STMN4: variants seen among roughly 807,000 people sequenced by gnomAD.
STMN4 encodes the protein stathmin 4.
Under a neutral mutation model 29.1 loss-of-function variants are expected in STMN4, and 12 were observed. That is an observed-to-expected ratio of 0.41 (90% confidence interval 0.26 to 0.67). The LOEUF (loss-of-function observed/expected upper bound fraction) is 0.67, where lower values mean the gene tolerates loss of function less well. Among genes scored for constraint, STMN4 ranks in the 30% least tolerant of loss-of-function variants. The probability of loss-of-function intolerance (pLI) is 0.30; values close to 1 mark genes in which losing one functional copy is unlikely to be tolerated. For synonymous variants in STMN4, 114 were observed against 105.3 expected, an observed-to-expected ratio of 1.08 and a Z score of -0.51; for missense variants, 181 against 262.8, an observed-to-expected ratio of 0.69 and a Z score of 2.15.
chr8:27,251,576 C>A (rs1161771920), intron 1 of STMN4, among the ~76,000 whole-genome samples: 1 of 151,796 alleles, frequency 6.6e-6, no homozygotes, highest in African/African-American at 2.4e-5. Context: ...ATATGTGCAT[C>A]TTATAAATAA....
In STMN4 at chr8:27,240,932, G is replaced by C. The variant is rs972804280; in HGVS notation, c.399+122C>G. On this transcript the variant is annotated intron_variant, in intron 5 of 6. Coordinates refer to ENST00000350889, the MANE Select transcript of STMN4 (RefSeq NM_030795.4). ...CTCATTCTCCACCGCACACTCGGGAGATGCTCCCTAAATATTGCAGATTGG... is the reference window on the plus strand; with the variant it reads ...CTCATTCTCCACCGCACACTCGGGACATGCTCCCTAAATATTGCAGATTGG... 7 of 964,344 alleles carry C rather than the reference G, an allele frequency of 7.3e-6. No homozygotes were observed. The African/African-American group carries it at 9.9e-5, about 14-fold the overall frequency. 59.7% of individuals were successfully genotyped at this position (964,344 alleles called of 1,614,324 possible).
chr8:27,237,053 A>G, intron 6 of STMN4, 148 bp from the exon 7 acceptor site: 1 of 805,230 alleles, frequency 1.2e-6, no homozygotes, highest in Non-Finnish European at 1.9e-6. Context: ...AGAGGGGCAG[A>G]AGGTGGCAGG....
intron 5 of STMN4, 36 bp from the exon 6 acceptor site, chr8:27,240,198 A>G (rs779509317): frequency 1.3e-6 from 2 of 1,599,638 alleles, no homozygotes; most frequent in East Asian, 4.5e-5. Context: ...GGCCCTTCAC[A>G]GTGAGTGTGC....
rs555860349 is a variant in STMN4, at chr8:27,255,886, G to A, written c.-79+2465C>T. Among the ~76,000 whole-genome samples the A allele has an allele frequency of 3.9e-5, 6 of 152,162 alleles. No homozygotes were observed. The South Asian group carries it at 1.0e-3, about 26-fold the overall frequency. On this transcript the variant is annotated intron_variant, in intron 1 of 6. Transcript: ENST00000350889. Reference sequence around the variant, plus strand: ...TTTCACCGTCCCTCCACCTCTAGTCGACAACCTGGCCACTATGGACAATAT... The same window carrying A: ...TTTCACCGTCCCTCCACCTCTAGTCAACAACCTGGCCACTATGGACAATAT...
In STMN4 at chr8:27,236,763, C is replaced by T. The variant is rs369000918; in HGVS notation, c.*83G>A. ...TCCCCCCAAACCCCAGTGCTGGGAG[C>T]GCAGCCGGCGGGCGAGGCTGCCTGG... On this transcript the variant is annotated 3_prime_UTR_variant, in exon 7 of 7. Coordinates refer to ENST00000350889, the MANE Select transcript of STMN4 (RefSeq NM_030795.4). The T allele has an allele frequency of 4.9e-4, 634 of 1,304,598 alleles. 1 individual carries two copies. The African/African-American group carries it at 7.0e-3, about 14-fold the overall frequency. The allele number at this position is 1,304,598 out of a possible 1,614,324, so 80.8% of individuals were successfully genotyped here.
intron 1 of STMN4, among the ~76,000 whole-genome samples, chr8:27,247,898 T>C (rs549803092): frequency 6.6e-6 from 1 of 152,098 alleles, no homozygotes; most frequent in East Asian, 1.9e-4. Context: ...CCCTCAGAGG[T>C]TCCTTATGTG....
chr8:27,257,946 G>A (rs1443939836), intron 1 of STMN4, among the ~76,000 whole-genome samples: 1 of 152,224 alleles, frequency 6.6e-6, no homozygotes, highest in Non-Finnish European at 1.5e-5. Context: ...TGTGTCTGAG[G>A]AAGAAAAGGT....
chr8:27,246,325 A>G (rs959480106), intron 1 of STMN4, among the ~76,000 whole-genome samples: 1 of 152,206 alleles, frequency 6.6e-6, no homozygotes, highest in Admixed American at 6.5e-5. Context: ...TTTGCAATGG[A>G]GACCTCTCAG....
chr8:27,243,746 A>G lies in STMN4; in HGVS notation c.-23T>C, dbSNP rs1439858658. Reference sequence around the variant, plus strand: ...CATGTTTCTGGGATCTGGTGGCTGAATCTAGCTGAAAGTTACAGAGTGGGT... The same window carrying G: ...CATGTTTCTGGGATCTGGTGGCTGAGTCTAGCTGAAAGTTACAGAGTGGGT... On this transcript the variant is annotated 5_prime_UTR_variant, in exon 2 of 7. Transcript: ENST00000350889. 1 of 1,614,198 alleles carries G rather than the reference A, an allele frequency of 6.2e-7. No individual in the cohort carries two copies. Among genetic ancestry groups the G allele is most frequent in the Non-Finnish European group, 8.5e-7 (1 of 1,180,036 alleles).
intron 1 of STMN4, among the ~76,000 whole-genome samples, chr8:27,256,180 T>C (rs1801934312): frequency 6.6e-6 from 1 of 152,084 alleles, no homozygotes; most frequent in South Asian, 2.1e-4. Flanking sequence ...AGAAAGAATG[T>C]AGGATGGGAT....
At chr8:27,242,602 A>G in intron 2 of STMN4, 110 bp from the exon 3 acceptor site, 2 of 1,028,286 alleles carry the variant, frequency 1.9e-6, no homozygotes, top group Non-Finnish European at 2.9e-6. Context: ...AGGCACTCAA[A>G]CCACGCAGGC....
chr8:27,239,841 C>A, intron 6 of STMN4, 130 bp downstream of exon 6: 1 of 1,556,130 alleles, frequency 6.4e-7, no homozygotes, highest in Non-Finnish European at 8.7e-7. Flanking sequence ...AAGATCCTGC[C>A]TAAGAAAAAG....
At chr8:27,255,590 CCTTT>C (rs1243786508) in intron 1 of STMN4, among the ~76,000 whole-genome samples, 2 of 152,322 alleles carry the variant, frequency 1.3e-5, no homozygotes, top group African/African-American at 4.8e-5. Flanking sequence ...CAATTCTCCT[CCTTT>C]CTTTATCTCT....
Position 27,249,503 on chromosome 8 carries a change from G to T in STMN4, c.-78-5702C>A, listed in dbSNP as rs12544223. ...AAAATGCCAATAGCCTCCTACTTGG[G>T]GACCAAAGATTCTGAGGTCACGCAG... On this transcript the variant is annotated intron_variant, in intron 1 of 6. Coordinates refer to ENST00000350889, the MANE Select transcript of STMN4 (RefSeq NM_030795.4). Among the ~76,000 whole-genome samples, 777 of 152,198 alleles carry T rather than the reference G, an allele frequency of 5.1e-3. 13 individuals are homozygous for T. Among genetic ancestry groups the T allele is most frequent in the Admixed American group, 0.036 (547 of 15,298 alleles).
At position 27,244,371 on chromosome 8, in the gene STMN4, G is replaced by A. The variant is rs918090441; in HGVS notation, c.-78-570C>T. On this transcript the variant is annotated intron_variant, in intron 1 of 6. Transcript: ENST00000350889. The stretch of plus-strand genomic sequence containing the variant: ...TGTTTGACCCTATTTAAGACAATCC[G>A]GGACACAGGAAAGAAAAACATTAAG... 5.3e-5 allele frequency among the ~76,000 whole-genome samples: 8 copies of A among 152,186 alleles called. No individual in the cohort carries two copies. The South Asian group carries it at 6.2e-4, about 12-fold the overall frequency.
chr8:27,253,783 G>C (rs554977701), intron 1 of STMN4, among the ~76,000 whole-genome samples: 197 of 80,580 alleles, frequency 2.4e-3, no homozygotes, highest in Non-Finnish European at 4.4e-3. Flanking sequence ...TTTTCAGAAA[G>C]GAATTGTTTT....
chr8:27,249,875 A>G (rs1203622333), intron 1 of STMN4, among the ~76,000 whole-genome samples: 1 of 152,220 alleles, frequency 6.6e-6, no homozygotes, highest in Non-Finnish European at 1.5e-5. Flanking sequence ...TGGTCACTGT[A>G]AGAAATGCCC....
intron 1 of STMN4, among the ~76,000 whole-genome samples, chr8:27,258,093 G>A (rs1276229738): frequency 1.3e-5 from 2 of 152,118 alleles, no homozygotes; most frequent in Non-Finnish European, 2.9e-5. Flanking sequence ...CATAGCATCT[G>A]ACAATTCCCA....
At chr8:27,256,369 G>A (rs1304326947) in intron 1 of STMN4, among the ~76,000 whole-genome samples, 1 of 151,752 alleles carries the variant, frequency 6.6e-6, no homozygotes, top group Non-Finnish European at 1.5e-5. Context: ...ATTTACCGCA[G>A]TTAAAAATTA....
Sources: allele counts gnomAD v4.1 joint callset (sites outside exome capture counted in the v4.1 genomes callset), GRCh38; gene constraint gnomAD v4.1.1; transcripts MANE v1.5; gene names NCBI Gene and HGNC (gene_info 2026-07-23, HGNC 2026-07-21).